Variants in RPA3 observed in about 807,000 individuals in gnomAD.
The protein encoded by RPA3 is replication protein A 14 kDa subunit.
RPA3 carries 24 observed loss-of-function variants against 13.7 expected under a neutral mutation model. That is an observed-to-expected ratio of 1.75 (90% confidence interval 1.27 to 2.46). The LOEUF (loss-of-function observed/expected upper bound fraction) is 2.46. RPA3 is among the 30% of genes most tolerant of loss of function. RPA3 has a pLI of 0.00. For missense variants in RPA3, 183 were observed against 151.0 expected (o/e 1.21, Z -1.11); for synonymous variants, 59 against 51.2 (o/e 1.15, Z -0.65).
intron 4 of RPA3, among the ~76,000 whole-genome samples, chr7:7,665,613 T>C (rs954936181): frequency 5.9e-5 from 9 of 152,190 alleles, no homozygotes; most frequent in African/African-American, 2.2e-4. Flanking sequence ...CAGTCACTGC[T>C]GTCAAGATAA....
intron 4 of RPA3, among the ~76,000 whole-genome samples, chr7:7,660,309 TTAA>T (rs1486002401): frequency 6.6e-6 from 1 of 152,250 alleles, no homozygotes; most frequent in Non-Finnish European, 1.5e-5. Context: ...ACATTTCAGG[TTAA>T]TAATGTTATG....
intron 2 of RPA3, among the ~76,000 whole-genome samples, chr7:7,700,127 A>G (rs1362487681): frequency 3.9e-5 from 6 of 152,136 alleles, no homozygotes; most frequent in Admixed American, 3.9e-4. Context: ...ATAGAAATGT[A>G]TTTCTCAGAG....
intron 4 of RPA3, among the ~76,000 whole-genome samples, chr7:7,647,610 A>G (rs1785125420): frequency 6.6e-6 from 1 of 152,106 alleles, no homozygotes; most frequent in African/African-American, 2.4e-5. Context: ...TTTGCTATAT[A>G]TATACATTTC....
chr7:7,694,620 A>T (rs1234951948), intron 2 of RPA3, among the ~76,000 whole-genome samples: 1 of 152,136 alleles, frequency 6.6e-6, no homozygotes, highest in Non-Finnish European at 1.5e-5. Flanking sequence ...GTTCCCACAA[A>T]TGAGTGAGAA....
chr7:7,658,773 T>C (rs147824591), intron 4 of RPA3, among the ~76,000 whole-genome samples: 2 of 152,198 alleles, frequency 1.3e-5, no homozygotes, highest in African/African-American at 2.4e-5. Flanking sequence ...TGAAATTTTC[T>C]TTTTTTGTTG....
intron 4 of RPA3, chr7:7,673,419 A>G: frequency 2.9e-6 from 3 of 1,027,034 alleles, no homozygotes; most frequent in Non-Finnish European, 2.9e-6. Flanking sequence ...AGCCCTCAGT[A>G]CCAGAGACAG....
intron 2 of RPA3, among the ~76,000 whole-genome samples, chr7:7,693,723 ATAT>A (rs1429034565): frequency 6.6e-6 from 1 of 152,128 alleles, no homozygotes; most frequent in Non-Finnish European, 1.5e-5. Flanking sequence ...TAATTTAGCA[ATAT>A]TATATGAACG....
chr7:7,660,687 C>T (rs1375727845), intron 4 of RPA3, among the ~76,000 whole-genome samples: 6 of 152,226 alleles, frequency 3.9e-5, no homozygotes, highest in Non-Finnish European at 8.8e-5. Context: ...GTCTGATGGA[C>T]TTCCCTTTGT....
intron 4 of RPA3, among the ~76,000 whole-genome samples, chr7:7,670,526 C>T (rs1779579623): frequency 6.6e-6 from 1 of 152,048 alleles, no homozygotes; most frequent in African/African-American, 2.4e-5. Flanking sequence ...TTGTGTTCAC[C>T]ATATATTCAG....
chr7:7,670,364 A>G (rs775825215), intron 4 of RPA3, among the ~76,000 whole-genome samples: 3 of 152,222 alleles, frequency 2.0e-5, no homozygotes, highest in Admixed American at 6.5e-5. Context: ...TATATATACA[A>G]AAGTTCTTGT....
At chr7:7,655,095 T>G (rs991994120) in intron 4 of RPA3, among the ~76,000 whole-genome samples, 2 of 152,152 alleles carry the variant, frequency 1.3e-5, no homozygotes, top group African/African-American at 4.8e-5. Flanking sequence ...ACAGCAATGA[T>G]TCCAGACAGT....
At chr7:7,698,575 C>T (rs184482267) in intron 2 of RPA3, among the ~76,000 whole-genome samples, 198 of 151,850 alleles carry the variant, frequency 1.3e-3, no homozygotes, top group African/African-American at 4.4e-3. Flanking sequence ...TGTAGTATTT[C>T]GTAGAACTGG....
intron 4 of RPA3, among the ~76,000 whole-genome samples, chr7:7,670,968 C>G (rs2115104498): frequency 6.6e-6 from 1 of 152,208 alleles, no homozygotes; most frequent in Middle Eastern, 3.4e-3. Flanking sequence ...TTGGCTTCAC[C>G]CTGTTGGAAT....
At chr7:7,693,799 C>T (rs1035872479) in intron 2 of RPA3, among the ~76,000 whole-genome samples, 31 of 152,110 alleles carry the variant, frequency 2.0e-4, no homozygotes, top group African/African-American at 7.2e-4. Flanking sequence ...TAAGTTTAAA[C>T]TTATAAACTC....
At position 7,641,055 on chromosome 7, in the gene RPA3, T is replaced by G. The variant is rs1340624099; in HGVS notation, c.-637A>C. On this transcript the variant is annotated 5_prime_UTR_variant, in exon 5 of 8. Coordinates refer to ENST00000223129, the MANE Select transcript of RPA3 (RefSeq NM_002947.5). ...GTCGGGGTTGTGATACCCGCCCCCTTGGAGATGGGCAGCGGGGTCATCAGT... is the reference window on the plus strand; with the variant it reads ...GTCGGGGTTGTGATACCCGCCCCCTGGGAGATGGGCAGCGGGGTCATCAGT... The G allele has an allele frequency of 3.9e-5, 6 of 152,732 alleles. No individual in the cohort carries two copies. Among genetic ancestry groups the G allele is most frequent in the Non-Finnish European group, 7.3e-5 (5 of 68,176 alleles). The allele number at this position is 152,732 out of a possible 1,614,324, so 9.5% of individuals were successfully genotyped here. A position where few individuals can be genotyped will look rare whatever the true frequency, so the allele number is the denominator to read the frequency against.
At chr7:7,663,726 A>G (rs7800702) in intron 4 of RPA3, among the ~76,000 whole-genome samples, 127,997 of 152,130 alleles carry the variant, frequency 0.84, 53,978 homozygotes, top group Non-Finnish European at 0.88. Context: ...TAAGGAATGT[A>G]AAATTTATAA....
intron 4 of RPA3, among the ~76,000 whole-genome samples, chr7:7,680,062 C>T (rs1369234846): frequency 1.3e-5 from 2 of 151,866 alleles, no homozygotes; most frequent in Non-Finnish European, 2.9e-5. Context: ...CCCATTTGTC[C>T]ATTTTTGCTT....
chr7:7,658,772 CTT>C (rs1436649848), intron 4 of RPA3, among the ~76,000 whole-genome samples: 1 of 152,070 alleles, frequency 6.6e-6, no homozygotes, highest in Non-Finnish European at 1.5e-5. Flanking sequence ...CTGAAATTTT[CTT>C]TTTTTGTTGT....
rs1354412937 is a variant in RPA3 at position 7,637,907 on chromosome 7, C to A, written c.240G>T (p.Leu80Phe). The change falls in exon 7 of 8, where the codon TTG (leucine) becomes TTT (phenylalanine). Residue 80 changes from leucine (L) to phenylalanine (F), a missense_variant. Transcript: ENST00000223129. ...CTTTAAACTGGACATAAGATGTACACAAGATGGTGGCCTTGGCGGTTACTC... is the reference window on the plus strand; with the variant it reads ...CTTTAAACTGGACATAAGATGTACAAAAGATGGTGGCCTTGGCGGTTACTC... ...VGRVTAKATI[L>F]CTSYVQFKED... 6.2e-7 allele frequency: 1 copy of A among 1,613,690 alleles called. No individual in the cohort carries two copies. The highest frequency in any genetic ancestry group is 1.1e-5 in the South Asian group (1 of 91,074).
Sources: gnomAD v4.1 joint callset for allele counts (sites outside exome capture counted in the v4.1 genomes callset) on GRCh38, gnomAD v4.1.1 for gene constraint, MANE v1.5 for transcripts, NCBI Gene and HGNC (gene_info 2026-07-23, HGNC 2026-07-21) for gene names.